GALNT18: variants seen among roughly 807,000 people sequenced by gnomAD.
GALNT18 encodes polypeptide N-acetylgalactosaminyltransferase 18.
Under a neutral mutation model 69.5 loss-of-function variants are expected in GALNT18, and 44 were observed. That is an observed-to-expected ratio of 0.63 (90% CI 0.50 to 0.81). GALNT18 has a LOEUF of 0.81. GALNT18 is among the 40% of genes least tolerant of loss of function. The pLI, the probability that GALNT18 is intolerant of heterozygous loss-of-function variation, is 0.00. For synonymous variants in GALNT18, 364 were observed against 318.2 expected (o/e 1.14, Z -1.53); for missense variants, 715 against 810.0 (o/e 0.88, Z 1.42).
intron 9 of GALNT18, among the ~76,000 whole-genome samples, chr11:11,322,738 T>C (rs1487503461): frequency 6.6e-6 from 1 of 152,164 alleles, no homozygotes; most frequent in Admixed American, 6.5e-5. Flanking sequence ...TGTTTGGCAG[T>C]TTATTAGTTG....
At chr11:11,512,913 G>A (rs1462574354) in intron 1 of GALNT18, among the ~76,000 whole-genome samples, 1 of 152,194 alleles carries the variant, frequency 6.6e-6, no homozygotes, top group East Asian at 1.9e-4. Flanking sequence ...TGTGTGATCT[G>A]TGTGTGTGTC....
At chr11:11,367,940 C>T (rs1267345685) in intron 6 of GALNT18, among the ~76,000 whole-genome samples, 1 of 152,118 alleles carries the variant, frequency 6.6e-6, no homozygotes, top group Non-Finnish European at 1.5e-5. Context: ...CTGTGCCATA[C>T]TGTGTTGTGC....
chr11:11,386,596 A>T (rs1403320167), intron 3 of GALNT18, among the ~76,000 whole-genome samples: 2 of 152,190 alleles, frequency 1.3e-5, no homozygotes, highest in African/African-American at 4.8e-5. Context: ...CTCTTCTCTC[A>T]ATCTCTGCAT....
At chr11:11,276,775 G>A (rs1450573687) in intron 10 of GALNT18, among the ~76,000 whole-genome samples, 1 of 152,144 alleles carries the variant, frequency 6.6e-6, no homozygotes, top group Admixed American at 6.5e-5. Context: ...TAATCATGTG[G>A]TTTTTGTCAC....
Position 11,546,589 on chromosome 11 carries a change from C to T in GALNT18, c.235+74770G>A, listed in dbSNP as rs4910014. Among the ~76,000 whole-genome samples the T allele has an allele frequency of 0.83, 125,909 of 152,134 alleles. 52,345 individuals carry two copies. Among genetic ancestry groups the T allele is most frequent in the Non-Finnish European group, 0.86 (58,244 of 67,998 alleles). Reference sequence around the variant, plus strand: ...CACTGGATAAACACAAAATCTTGACCGTGCCTTCGAAGCCTTTCCCAACCC... The same window carrying T: ...CACTGGATAAACACAAAATCTTGACTGTGCCTTCGAAGCCTTTCCCAACCC... On this transcript the variant is annotated intron_variant, in intron 1 of 10. Coordinates refer to ENST00000227756, the MANE Select transcript of GALNT18 (RefSeq NM_198516.3). The surrounding 1 kb of genome is among the most constrained non-coding windows in gnomAD (Gnocchi z 5.8).
At chr11:11,533,077 C>G (rs1857690264) in intron 1 of GALNT18, among the ~76,000 whole-genome samples, 1 of 152,090 alleles carries the variant, frequency 6.6e-6, no homozygotes, top group South Asian at 2.1e-4. Context: ...CATTGCCCTG[C>G]CCACCCCCAT....
Position 11,360,506 on chromosome 11 carries a change from G to A in GALNT18, c.1092+12009C>T, listed in dbSNP as rs541597649. 9.1e-4 allele frequency among the ~76,000 whole-genome samples: 139 copies of A among 152,162 alleles called. 3 individuals are homozygous for A. The South Asian group carries it at 0.026, about 28-fold the overall frequency. On this transcript the variant is annotated intron_variant, in intron 6 of 10. Transcript: ENST00000227756. ...CTATAGACCAAATTAAAATATTTCCGTCTATACTAATTTTCTAGTTTTATT... is the reference window on the plus strand; with the variant it reads ...CTATAGACCAAATTAAAATATTTCCATCTATACTAATTTTCTAGTTTTATT...
At position 11,470,934 on chromosome 11, in the gene GALNT18, C is replaced by T. The variant is rs772914941; in HGVS notation, c.236-21998G>A. 6.6e-6 allele frequency among the ~76,000 whole-genome samples: 1 copy of T among 152,174 alleles called. No individual in the cohort carries two copies. The highest frequency in any genetic ancestry group is 1.5e-5 in the Non-Finnish European group (1 of 68,032). ...TTTGCCTGAGAATCAAACGTCCTGC[C>T]AAATGGCTTCTTGATTTCTCCCCAT... On this transcript the variant is annotated intron_variant, in intron 1 of 10. Coordinates refer to ENST00000227756, the MANE Select transcript of GALNT18 (RefSeq NM_198516.3). The surrounding 1 kb of genome is among the most constrained non-coding windows in gnomAD (Gnocchi z 4.8).
Position 11,388,080 on chromosome 11 carries a change from T to C in GALNT18, c.596-8816A>G, listed in dbSNP as rs536314188. 3.9e-5 allele frequency among the ~76,000 whole-genome samples: 6 copies of C among 152,296 alleles called. No individual in the cohort carries two copies. The East Asian group carries it at 1.2e-3, about 29-fold the overall frequency. On this transcript the variant is annotated intron_variant, in intron 3 of 10. Coordinates refer to ENST00000227756, the MANE Select transcript of GALNT18 (RefSeq NM_198516.3). The stretch of plus-strand genomic sequence containing the variant: ...TAGTTCCCTTACTCAGGCTACAGGG[T>C]TCAGGCACACAGTGTTACAATCTTC...
chr11:11,274,710 TCCCTGACAAG>T (rs1307606148), intron 10 of GALNT18, among the ~76,000 whole-genome samples: 1 of 152,152 alleles, frequency 6.6e-6, no homozygotes, highest in East Asian at 1.9e-4. Flanking sequence ...AGCCCTCCAC[TCCCTGACAAG>T]CCCCAGTGTG....
intron 4 of GALNT18, 133 bp downstream of exon 4, chr11:11,378,948 C>A (rs1564919245): frequency 1.2e-6 from 1 of 867,274 alleles, no homozygotes; most frequent in Non-Finnish European, 1.7e-6. Flanking sequence ...ACTCACACAC[C>A]TACATCTCAC....
chr11:11,323,678 C>T (rs575008677), intron 9 of GALNT18, among the ~76,000 whole-genome samples: 2 of 152,336 alleles, frequency 1.3e-5, no homozygotes, highest in Admixed American at 6.5e-5. Context: ...CATTCACAGC[C>T]AAATAGCTCT....
At chr11:11,560,159 T>TAGGATGGAATAGAATGAG (rs147089687) in intron 1 of GALNT18, among the ~76,000 whole-genome samples, 106 of 2,864 alleles carry the variant, frequency 0.037, 5 homozygotes, top group Admixed American at 0.053. Context: ...TATGATGGGA[T>TAGGATGGAATAGAATGAG]GTATGGGATG....
At chr11:11,291,871 CA>C (rs1322555538) in intron 10 of GALNT18, among the ~76,000 whole-genome samples, 1 of 152,190 alleles carries the variant, frequency 6.6e-6, no homozygotes, top group African/African-American at 2.4e-5. Flanking sequence ...TCTAATTCTG[CA>C]CACCCAGACC....
intron 3 of GALNT18, among the ~76,000 whole-genome samples, chr11:11,391,875 G>T (rs1185344463): frequency 6.6e-6 from 1 of 152,238 alleles, no homozygotes; most frequent in Non-Finnish European, 1.5e-5. Flanking sequence ...CACCTAAGAG[G>T]TAAGGCCGGA....
intron 3 of GALNT18, among the ~76,000 whole-genome samples, chr11:11,393,020 C>G (rs1180549067): frequency 6.6e-6 from 1 of 152,172 alleles, no homozygotes; most frequent in East Asian, 1.9e-4. Context: ...GAGGGGGTCA[C>G]TGAAACCAAC....
intron 10 of GALNT18, among the ~76,000 whole-genome samples, chr11:11,280,900 A>AG (rs2132985009): frequency 6.6e-6 from 1 of 152,286 alleles, no homozygotes; most frequent in Non-Finnish European, 1.5e-5. Context: ...TTAGGCCCAG[A>AG]GGCATCCCCT....
intron 1 of GALNT18, among the ~76,000 whole-genome samples, chr11:11,473,872 C>T (rs1856329098): frequency 6.6e-6 from 1 of 152,144 alleles, no homozygotes; most frequent in African/African-American, 2.4e-5. Flanking sequence ...CAAGATCAGC[C>T]TGGCCAACAT....
rs1388394076 is a variant in GALNT18 at position 11,497,370 on chromosome 11, A to ACACACACACACACCCC, written c.236-48435_236-48434insGGGGTGTGTGTGTGTG. ...CACACACACACACACACACACACAC[A>ACACACACACACACCCC]CCCCTTAGAATGGGGCTCCTTAAGA... is the stretch of plus-strand genomic sequence containing the variant. On this transcript the variant is annotated intron_variant, in intron 1 of 10. Transcript: ENST00000227756. This position sits in a 1 kb window ranked among gnomAD's most constrained non-coding sequence, Gnocchi z 4.2. 1.5e-5 allele frequency among the ~76,000 whole-genome samples: 2 copies of ACACACACACACACCCC among 134,622 alleles called. No homozygotes were observed. Among genetic ancestry groups the ACACACACACACACCCC allele is most frequent in the Non-Finnish European group, 3.1e-5 (2 of 63,850 alleles). 88.3% of individuals were successfully genotyped at this position (134,622 alleles called of 152,430 possible). A position where few individuals can be genotyped will look rare whatever the true frequency, so the allele number is the denominator to read the frequency against.
Sources: gnomAD v4.1 joint callset for allele counts (sites outside exome capture counted in the v4.1 genomes callset) on GRCh38, gnomAD v4.1.1 for gene constraint, Gnocchi (gnomAD v3.1) non-coding constraint, MANE v1.5 for transcripts, NCBI Gene and HGNC (gene_info 2026-07-23, HGNC 2026-07-21) for gene names.